The following GRIN3A variants were observed in gnomAD, a reference collection of about 807,000 sequenced individuals.
GRIN3A encodes the protein glutamate ionotropic receptor NMDA type subunit 3A, also known as glutamate receptor ionotropic, NMDA 3A.
A neutral mutation model predicts 92.4 loss-of-function variants in GRIN3A; 47 were observed. The ratio of observed to expected loss-of-function variants is 0.51; its 90% CI spans 0.40 to 0.65. The LOEUF (loss-of-function observed/expected upper bound fraction) is 0.65. Among genes scored for constraint, GRIN3A ranks in the 30% least tolerant of loss-of-function variants. The pLI, the probability that GRIN3A is intolerant of heterozygous loss-of-function variation, is 0.00. For synonymous variants in GRIN3A, 527 were observed against 540.6 expected, an observed-to-expected ratio of 0.97 and a Z score of 0.35; for missense variants, 1,324 against 1,393.1, an observed-to-expected ratio of 0.95 and a Z score of 0.79.
chr9:101,696,196 C>T (rs1363611093), intron 1 of GRIN3A, among the ~76,000 whole-genome samples: 1 of 152,198 alleles, frequency 6.6e-6, no homozygotes. Context: ...GGGAATAATA[C>T]TAATTGTCAA....
At chr9:101,578,887 T>A (rs1000695205) in intron 7 of GRIN3A, among the ~76,000 whole-genome samples, 1 of 152,108 alleles carries the variant, frequency 6.6e-6, no homozygotes, top group Non-Finnish European at 1.5e-5. Context: ...ACCTAGGAAA[T>A]AAATCTTTCA....
In GRIN3A at chr9:101,710,374, G is replaced by C. The variant is rs140995684; in HGVS notation, c.700-23174C>G. Among the ~76,000 whole-genome samples, 476 of 152,278 alleles carry C rather than the reference G, an allele frequency of 3.1e-3. 1 individual carries two copies. Among genetic ancestry groups the C allele is most frequent in the African/African-American group, 0.011 (450 of 41,564 alleles). On this transcript the variant is annotated intron_variant, in intron 1 of 8. Transcript: ENST00000361820. ...AACATAAAAATTCACTTGTTGTATA[G>C]AGAATGTCAAGTATATGCAAATACT...
In GRIN3A at chr9:101,572,803, T is replaced by C; in HGVS notation, c.*371A>G. ...TGAAAACCAGCAACCCAGTAAGACA[T>C]AAGTGTGAGTAACAATTTTATCTCT... On this transcript the variant is annotated 3_prime_UTR_variant, in exon 9 of 9. Transcript: ENST00000361820. 3.6e-6 allele frequency: 1 copy of C among 276,236 alleles called. No individual in the cohort carries two copies. The highest frequency in any genetic ancestry group is 7.1e-6 in the Non-Finnish European group (1 of 140,240). The allele number at this position is 276,236 out of a possible 1,614,324, so 17.1% of individuals were successfully genotyped here.
chr9:101,625,229 T>C (rs1162484615), intron 4 of GRIN3A, among the ~76,000 whole-genome samples: 1 of 152,210 alleles, frequency 6.6e-6, no homozygotes, highest in Non-Finnish European at 1.5e-5. Context: ...AAGGATTTTC[T>C]ACCCTTAGAG....
Position 101,594,241 on chromosome 9 carries a change from G to C in GRIN3A, c.2767-14881C>G, listed in dbSNP as rs3739725. On this transcript the variant is annotated intron_variant, in intron 6 of 8. Transcript: ENST00000361820. ...GGGTACCCTGAGTCATTCAGAGAAGGAGAATTAATAGCACTGAGTTGGTGA... is the reference window on the plus strand; with the variant it reads ...GGGTACCCTGAGTCATTCAGAGAAGCAGAATTAATAGCACTGAGTTGGTGA... 3.1e-5 allele frequency: 26 copies of C among 829,286 alleles called. No homozygotes were observed. The East Asian group carries it at 6.8e-4, about 22-fold the overall frequency. 51.4% of individuals were successfully genotyped at this position (829,286 alleles called of 1,614,324 possible).
intron 1 of GRIN3A, among the ~76,000 whole-genome samples, chr9:101,710,640 C>G (rs1238332638): frequency 6.6e-6 from 1 of 152,142 alleles, no homozygotes; most frequent in African/African-American, 2.4e-5. Context: ...AGTTGCTTTC[C>G]TAAGGGAGGG....
Position 101,570,035 on chromosome 9 carries a change from T to G in GRIN3A, c.*3139A>C, listed in dbSNP as rs576806653. The G allele has an allele frequency of 6.6e-6, 1 of 152,124 alleles. No homozygotes were observed. Among genetic ancestry groups the G allele is most frequent in the African/African-American group, 2.4e-5 (1 of 41,436 alleles). The allele number at this position is 152,124 out of a possible 1,614,324, so 9.4% of individuals were successfully genotyped here. A position where few individuals can be genotyped will look rare whatever the true frequency, so the allele number is the denominator to read the frequency against. ...AGCAGAGAGTCATCTCCAGGCACAT[T>G]AAAGACCTCGACTGCTTGGGTCCCT... On this transcript the variant is annotated 3_prime_UTR_variant, in exon 9 of 9. Transcript: ENST00000361820.
At chr9:101,601,521 T>C (rs1362303894) in intron 6 of GRIN3A, among the ~76,000 whole-genome samples, 1 of 152,134 alleles carries the variant, frequency 6.6e-6, no homozygotes, top group East Asian at 1.9e-4. Context: ...GCAAGAGCTG[T>C]TGTAATGAAG....
At chr9:101,639,472 C>A (rs1426705866) in intron 3 of GRIN3A, among the ~76,000 whole-genome samples, 1 of 152,144 alleles carries the variant, frequency 6.6e-6, no homozygotes, top group Non-Finnish European at 1.5e-5. Context: ...GGAACTCAAA[C>A]TTCTCTCTTG....
At chr9:101,684,138 G>A (rs1474687691) in intron 2 of GRIN3A, among the ~76,000 whole-genome samples, 22 of 142,618 alleles carry the variant, frequency 1.5e-4, no homozygotes, top group African/African-American at 5.3e-4. Context: ...TTGTGACGGA[G>A]TCTCGCCAGG....
intron 6 of GRIN3A, among the ~76,000 whole-genome samples, chr9:101,579,896 CACCCT>C (rs1827867946): frequency 6.6e-6 from 1 of 152,170 alleles, no homozygotes; most frequent in South Asian, 2.1e-4. Context: ...TTTCCCAATG[CACCCT>C]TCCTAAAAAA....
intron 1 of GRIN3A, among the ~76,000 whole-genome samples, chr9:101,734,229 T>C (rs2119048667): frequency 6.6e-6 from 1 of 152,290 alleles, no homozygotes; most frequent in East Asian, 1.9e-4. Flanking sequence ...AAAGTATAAC[T>C]GCAGGAATTT....
chr9:101,735,131 T>C (rs2119049565), intron 1 of GRIN3A, among the ~76,000 whole-genome samples: 2 of 148,946 alleles, frequency 1.3e-5, no homozygotes, highest in African/African-American at 4.9e-5. Flanking sequence ...TACAGAATAT[T>C]ATAGAATGAC....
At chr9:101,576,035 G>A (rs1347860331) in intron 8 of GRIN3A, among the ~76,000 whole-genome samples, 2 of 152,188 alleles carry the variant, frequency 1.3e-5, no homozygotes, top group African/African-American at 2.4e-5. Flanking sequence ...GGGTACCTAT[G>A]AGTGCAAGGT....
chr9:101,624,515 A>G (rs1181167939), intron 4 of GRIN3A, among the ~76,000 whole-genome samples: 1 of 151,848 alleles, frequency 6.6e-6, no homozygotes, highest in Non-Finnish European at 1.5e-5. Flanking sequence ...GAGAATGATG[A>G]TTTCCAATTT....
At chr9:101,634,205 T>C (rs893925096) in intron 3 of GRIN3A, among the ~76,000 whole-genome samples, 2 of 151,438 alleles carry the variant, frequency 1.3e-5, no homozygotes, top group Non-Finnish European at 2.9e-5. Flanking sequence ...TGGTGGCGGG[T>C]GCCTGTAGTC....
chr9:101,621,746 T>C (rs941141526), intron 5 of GRIN3A, among the ~76,000 whole-genome samples: 1 of 152,168 alleles, frequency 6.6e-6, no homozygotes, highest in Non-Finnish European at 1.5e-5. Flanking sequence ...ACCACTGTCT[T>C]TTGACAAGAT....
intron 6 of GRIN3A, among the ~76,000 whole-genome samples, chr9:101,591,020 A>G (rs1828016141): frequency 6.6e-6 from 1 of 152,158 alleles, no homozygotes; most frequent in Admixed American, 6.5e-5. Context: ...AAGAGTGTCT[A>G]GTGGTCTGGG....
intron 3 of GRIN3A, among the ~76,000 whole-genome samples, chr9:101,661,765 G>C (rs1489459465): frequency 1.3e-5 from 2 of 151,714 alleles, no homozygotes; most frequent in East Asian, 3.9e-4. Context: ...CTCTGTTAAG[G>C]CTCTTGATCC....
Sources: gnomAD v4.1 joint callset for allele counts (sites outside exome capture counted in the v4.1 genomes callset) on GRCh38, gnomAD v4.1.1 for gene constraint, MANE v1.5 for transcripts, NCBI Gene and HGNC (gene_info 2026-07-23, HGNC 2026-07-21) for gene names.